The following KANK1 variants were observed in gnomAD, a reference collection of about 807,000 sequenced individuals.
The protein encoded by KANK1 is KN motif and ankyrin repeat domains 1, also known as KN motif and ankyrin repeat domain-containing protein 1.
A neutral mutation model predicts 106.2 loss-of-function variants in KANK1; 109 were observed. That is an observed-to-expected ratio of 1.03 (90% confidence interval 0.88 to 1.20). KANK1 has a LOEUF of 1.20. KANK1 is among the 50% of genes most tolerant of loss of function. The pLI, the probability that KANK1 is intolerant of heterozygous loss-of-function variation, is 0.00. For missense variants in KANK1, 2,399 were observed against 1,710.7 expected (o/e 1.40, Z -7.10); for synonymous variants, 873 against 652.2 (o/e 1.34, Z -5.16).
intron 1 of KANK1, among the ~76,000 whole-genome samples, chr9:556,405 G>C (rs1454109250): frequency 6.6e-6 from 1 of 152,176 alleles, no homozygotes; most frequent in Non-Finnish European, 1.5e-5. Context: ...ACTACGTGGT[G>C]AGTCTTAGTC....
intron 2 of KANK1, chr9:686,651 T>C (rs905654205): frequency 4.9e-6 from 3 of 607,648 alleles, no homozygotes; most frequent in East Asian, 1.4e-4. Context: ...CCACACTTTA[T>C]ACAGCTTCCA....
At chr9:567,003 T>G (rs1817971193) in intron 1 of KANK1, among the ~76,000 whole-genome samples, 1 of 152,194 alleles carries the variant, frequency 6.6e-6, no homozygotes, top group Non-Finnish European at 1.5e-5. Flanking sequence ...TTAATCCTTC[T>G]TGAGTTGATT....
At chr9:744,314 T>G (rs982539089) in intron 10 of KANK1, among the ~76,000 whole-genome samples, 177 bp from the exon 11 acceptor site, 5 of 152,232 alleles carry the variant, frequency 3.3e-5, no homozygotes, top group African/African-American at 1.2e-4. Flanking sequence ...CTCATTCATC[T>G]TCACATCCTC....
At chr9:703,085 A>G (rs1823095658) in intron 2 of KANK1, among the ~76,000 whole-genome samples, 1 of 151,926 alleles carries the variant, frequency 6.6e-6, no homozygotes, top group Non-Finnish European at 1.5e-5. Flanking sequence ...TCCGCCTCCC[A>G]GGTTCAAGCG....
rs775141016 is a variant in KANK1 at position 712,945 on chromosome 9, A to G, written c.2179A>G (p.Ile727Val). 3 of 1,614,198 alleles carry G rather than the reference A, an allele frequency of 1.9e-6. No individual in the cohort carries two copies. The South Asian group carries it at 3.3e-5, about 18-fold the overall frequency. The change falls in exon 3 of 12, where the codon ATC becomes GTC. Residue 727 changes from isoleucine to valine, a missense_variant. By Grantham distance (29) the Ile-to-Val change is conservative. Coordinates refer to ENST00000382297, the MANE Select transcript of KANK1 (RefSeq NM_015158.5). ...TGTAGGAGAAGGCCGTGTCAAGGACATCAACTCCTCCACCAAGACGCGGTC... is the reference window on the plus strand; with the variant it reads ...TGTAGGAGAAGGCCGTGTCAAGGACGTCAACTCCTCCACCAAGACGCGGTC... ...VAVGEGRVKD[I>V]NSSTKTRSIG... is the part of the protein sequence containing the mutation.
upstream of KANK1, among the ~76,000 whole-genome samples, chr9:501,834 C>T (rs934070043): frequency 3.3e-5 from 5 of 152,196 alleles, no homozygotes; most frequent in Admixed American, 1.3e-4. Flanking sequence ...ATTATAGGCA[C>T]AAGCGCCCAG....
At chr9:568,475 G>C (rs1468629753) in intron 1 of KANK1, among the ~76,000 whole-genome samples, 1 of 152,160 alleles carries the variant, frequency 6.6e-6, no homozygotes, top group African/African-American at 2.4e-5. Context: ...CATAGAGGCA[G>C]AGACTTGCTC....
intron 2 of KANK1, among the ~76,000 whole-genome samples, chr9:678,882 A>C (rs1164894546): frequency 6.6e-6 from 1 of 152,074 alleles, no homozygotes; most frequent in East Asian, 1.9e-4. Flanking sequence ...GCTTCCATTC[A>C]CATGCTCAGG....
chr9:605,523 C>T (rs1828885108), intron 1 of KANK1, among the ~76,000 whole-genome samples: 1 of 151,568 alleles, frequency 6.6e-6, no homozygotes, highest in African/African-American at 2.4e-5. Context: ...CTGCTGTAGA[C>T]AGAATGATCA....
rs907374760 is a variant in KANK1 at position 735,738 on chromosome 9, G to C, written c.3333+903G>C. On this transcript the variant is annotated intron_variant, in intron 7 of 11. Transcript: ENST00000382297. ...GCCAGGTGCAGTGGCTGACACCTAT[G>C]ATCCCAACACTTCGGGAGGCCGATG... is the stretch of plus-strand genomic sequence containing the variant. 6 of 442,504 alleles carry C rather than the reference G, an allele frequency of 1.4e-5. No individual in the cohort carries two copies. In the Admixed American group the frequency reaches 1.4e-4, roughly 10 times the overall value. The allele number at this position is 442,504 out of a possible 1,614,324, so 27.4% of individuals were successfully genotyped here.
chr9:578,081 G>A (rs1821065560), intron 1 of KANK1, among the ~76,000 whole-genome samples: 1 of 152,106 alleles, frequency 6.6e-6, no homozygotes, highest in African/African-American at 2.4e-5. Context: ...GAGAAGAGAA[G>A]AACACCAGAG....
intron 1 of KANK1, among the ~76,000 whole-genome samples, chr9:621,270 A>G (rs1833082953): frequency 6.6e-6 from 1 of 152,208 alleles, no homozygotes; most frequent in Non-Finnish European, 1.5e-5. Context: ...ATTTTGAGCT[A>G]TTTATATTAG....
intron 1 of KANK1, among the ~76,000 whole-genome samples, chr9:525,630 C>T (rs1200275435): frequency 2.0e-5 from 3 of 151,620 alleles, no homozygotes; most frequent in Admixed American, 1.3e-4. Flanking sequence ...ATCTGCCTGC[C>T]TCCGCTTCCC....
In KANK1 at chr9:686,751, C is replaced by T. The variant is rs73642804; in HGVS notation, c.37+9742C>T. ...AATGATTGTTACCTATGAGCCTATC[C>T]GGTAAGGGATCTGAGTGGGCCCAAG... On this transcript the variant is annotated intron_variant, in intron 2 of 11. Transcript: ENST00000382297. 457 of 985,196 alleles carry T rather than the reference C, an allele frequency of 4.6e-4. 2 individuals are homozygous for T. The African/African-American group carries it at 7.5e-3, about 16-fold the overall frequency. The allele number at this position is 985,196 out of a possible 1,614,324, so 61.0% of individuals were successfully genotyped here.
intron 1 of KANK1, among the ~76,000 whole-genome samples, chr9:547,658 G>C (rs919987939): frequency 6.7e-6 from 1 of 149,820 alleles, no homozygotes; most frequent in African/African-American, 2.4e-5. Context: ...CTTTCACATG[G>C]TTTCAAAGAT....
chr9:607,031 A>G (rs1306648489), intron 1 of KANK1, among the ~76,000 whole-genome samples: 1 of 151,782 alleles, frequency 6.6e-6, no homozygotes, highest in Non-Finnish European at 1.5e-5. Context: ...TGGGACTTGA[A>G]TTCTAATTTT....
intron 1 of KANK1, among the ~76,000 whole-genome samples, chr9:659,255 T>TGC (rs1181706093): frequency 1.7e-4 from 26 of 152,230 alleles, no homozygotes; most frequent in Admixed American, 7.2e-4. Flanking sequence ...TTCTTAAAAT[T>TGC]AGAGGATATT....
intron 2 of KANK1, among the ~76,000 whole-genome samples, chr9:684,859 A>G (rs773367743): frequency 2.0e-4 from 31 of 152,160 alleles, no homozygotes; most frequent in Admixed American, 7.9e-4. Context: ...ATATTATCAT[A>G]ATTCTCAAAT....
At position 713,279 on chromosome 9, in the gene KANK1, A is replaced by G. The variant is rs113553082; in HGVS notation, c.2513A>G (p.Gln838Arg). Residue 838 changes from glutamine to arginine, a missense_variant, in exon 3 of 12, where the codon CAG becomes CGG. Coordinates refer to ENST00000382297, the MANE Select transcript of KANK1 (RefSeq NM_015158.5). ...ERIQKLLAEQ[Q>R]TLLAENYSEL... ...ATCCAGAAGCTGCTGGCAGAACAGC[A>G]GACACTGCTGGCTGAGAACTACAGT... The G allele has an allele frequency of 2.1e-5, 34 of 1,613,494 alleles. No individual in the cohort carries two copies. Among genetic ancestry groups the G allele is most frequent in the Non-Finnish European group, 2.9e-5 (34 of 1,179,636 alleles).
Sources: allele counts gnomAD v4.1 joint callset (sites outside exome capture counted in the v4.1 genomes callset), GRCh38; gene constraint gnomAD v4.1.1; transcripts MANE v1.5; gene names NCBI Gene and HGNC (gene_info 2026-07-23, HGNC 2026-07-21).